KDM4C: variants seen among roughly 807,000 people sequenced by gnomAD.
KDM4C encodes lysine demethylase 4C.
In KDM4C, 81 loss-of-function variants were observed where a neutral mutation model predicts 129.3. The observed-to-expected ratio is 0.63, with a 90% confidence interval of 0.52 to 0.75. The LOEUF is 0.75. KDM4C is among the 30% of genes least tolerant of loss of function. The pLI, the probability that KDM4C is intolerant of heterozygous loss-of-function variation, is 0.00. For missense variants in KDM4C, 1,457 were observed against 1,304.0 expected, an observed-to-expected ratio of 1.12 and a Z score of -1.81; for synonymous variants, 573 against 456.1, an observed-to-expected ratio of 1.26 and a Z score of -3.26.
chr9:6,849,184 A>G (rs1838386012), intron 4 of KDM4C, among the ~76,000 whole-genome samples: 2 of 152,194 alleles, frequency 1.3e-5, no homozygotes, highest in Non-Finnish European at 2.9e-5. Context: ...CGGATCATCT[A>G]CTTTGAATCA....
chr9:6,768,213 A>G (rs1821021899), intron 1 of KDM4C, among the ~76,000 whole-genome samples: 1 of 152,138 alleles, frequency 6.6e-6, no homozygotes, highest in Non-Finnish European at 1.5e-5. Flanking sequence ...TGGATCTGAA[A>G]TGCTTGTGTC....
intron 15 of KDM4C, among the ~76,000 whole-genome samples, chr9:7,018,408 T>C (rs1346700077): frequency 6.6e-6 from 1 of 152,372 alleles, no homozygotes; most frequent in East Asian, 1.9e-4. Context: ...GTAAAGCATA[T>C]TTAACACAGC....
intron 4 of KDM4C, among the ~76,000 whole-genome samples, chr9:6,838,302 A>G (rs747394478): frequency 6.6e-5 from 10 of 152,152 alleles, no homozygotes; most frequent in Admixed American, 3.3e-4. Context: ...TATTTGCGCT[A>G]TCTCTCTGCA....
chr9:6,763,301 T>G (rs1165861764), intron 1 of KDM4C, among the ~76,000 whole-genome samples: 1 of 152,084 alleles, frequency 6.6e-6, no homozygotes, highest in African/African-American at 2.4e-5. Flanking sequence ...CATGCTGTTG[T>G]TCCCTGTGCC....
chr9:6,825,046 A>G (rs1833664337), intron 4 of KDM4C, among the ~76,000 whole-genome samples: 1 of 151,674 alleles, frequency 6.6e-6, no homozygotes, highest in Non-Finnish European at 1.5e-5. Flanking sequence ...CCCGAGAGGC[A>G]GAGTCAAGAG....
intron 8 of KDM4C, among the ~76,000 whole-genome samples, chr9:6,914,654 G>A (rs887231621): frequency 6.6e-6 from 1 of 152,230 alleles, no homozygotes; most frequent in African/African-American, 2.4e-5. Context: ...ATTAAGCAGT[G>A]GGGCCTGTAG....
chr9:6,977,409 CTGAAAG>C (rs1833107570), intron 8 of KDM4C, among the ~76,000 whole-genome samples: 2 of 152,104 alleles, frequency 1.3e-5, no homozygotes, highest in African/African-American at 4.8e-5. Flanking sequence ...CCAGTATGTT[CTGAAAG>C]TTATTCTTCA....
intron 19 of KDM4C, among the ~76,000 whole-genome samples, chr9:7,133,858 G>A (rs1034449514): frequency 2.0e-5 from 3 of 152,164 alleles, no homozygotes; most frequent in Admixed American, 6.5e-5. Context: ...TCCCAGAAAC[G>A]TTCTCTACTG....
intron 20 of KDM4C, among the ~76,000 whole-genome samples, chr9:7,169,418 C>T (rs1844734223): frequency 6.6e-6 from 1 of 152,224 alleles, no homozygotes; most frequent in East Asian, 1.9e-4. Flanking sequence ...TCACTACAAC[C>T]TCTGCCTCCC....
intron 4 of KDM4C, among the ~76,000 whole-genome samples, chr9:6,845,173 C>T (rs893933137): frequency 6.6e-6 from 1 of 152,090 alleles, no homozygotes; most frequent in Non-Finnish European, 1.5e-5. Flanking sequence ...TGGAGAGAGT[C>T]CAGGATGGCC....
intron 13 of KDM4C, among the ~76,000 whole-genome samples, chr9:7,012,788 A>G (rs922714205): frequency 7.9e-5 from 12 of 152,180 alleles, no homozygotes; most frequent in Non-Finnish European, 1.6e-4. Context: ...GGTACAATAT[A>G]TTATGAAGTA....
intron 18 of KDM4C, among the ~76,000 whole-genome samples, chr9:7,122,953 C>T (rs1347381126): frequency 6.6e-6 from 1 of 152,170 alleles, no homozygotes; most frequent in Non-Finnish European, 1.5e-5. Flanking sequence ...TCAATAGATT[C>T]TTAGACTTTT....
chr9:7,134,295 T>C (rs913349976), intron 19 of KDM4C, among the ~76,000 whole-genome samples: 5 of 152,244 alleles, frequency 3.3e-5, no homozygotes, highest in Admixed American at 6.5e-5. Flanking sequence ...GGAAACCTTT[T>C]ATACATGTAA....
At chr9:7,031,162 ATTT>A (rs1468689410) in intron 15 of KDM4C, among the ~76,000 whole-genome samples, 3 of 114,718 alleles carry the variant, frequency 2.6e-5, no homozygotes, top group African/African-American at 7.8e-5. Context: ...TTATTTATTT[ATTT>A]ATTTATGTAT....
chr9:6,814,587 A>G (rs1831734702), intron 3 of KDM4C, 44 bp from the exon 4 acceptor site: 3 of 1,268,492 alleles, frequency 2.4e-6, no homozygotes, highest in Non-Finnish European at 3.3e-6. Context: ...AAACCCTAAA[A>G]CTGACTTACT....
chr9:7,101,401 T>C (rs147031171), intron 17 of KDM4C, among the ~76,000 whole-genome samples: 236 of 152,340 alleles, frequency 1.5e-3, no homozygotes, highest in African/African-American at 5.5e-3. Context: ...GCGTTAACTG[T>C]CTTACAGGAT....
intron 1 of KDM4C, among the ~76,000 whole-genome samples, chr9:6,726,031 A>G (rs1482541633): frequency 6.6e-6 from 1 of 151,810 alleles, no homozygotes; most frequent in East Asian, 1.9e-4. Flanking sequence ...GGTTCAAGCA[A>G]TTCCCCTGCT....
intron 8 of KDM4C, among the ~76,000 whole-genome samples, chr9:6,936,525 A>C (rs1431474420): frequency 1.3e-5 from 2 of 152,242 alleles, no homozygotes; most frequent in African/African-American, 4.8e-5. Context: ...ATTAGGTAAT[A>C]CTATTTTAAG....
intron 2 of KDM4C, among the ~76,000 whole-genome samples, chr9:6,804,084 A>G (rs886938796): frequency 6.6e-6 from 1 of 152,194 alleles, no homozygotes; most frequent in Non-Finnish European, 1.5e-5. Context: ...TGGCCTCCCA[A>G]AGTGCTAAGG....
Sources: allele counts gnomAD v4.1 joint callset (sites outside exome capture counted in the v4.1 genomes callset), GRCh38; gene constraint gnomAD v4.1.1; transcripts MANE v1.5; gene names NCBI Gene and HGNC (gene_info 2026-07-23, HGNC 2026-07-21).